The following DNAH7 variants were observed in gnomAD, a reference collection of about 807,000 sequenced individuals.
DNAH7 encodes the protein dynein axonemal heavy chain 7.
In DNAH7, 397 loss-of-function variants were observed where a neutral mutation model predicts 444.6. The observed-to-expected ratio is 0.89, with a 90% CI of 0.82 to 0.97. The LOEUF is 0.97. Among genes scored for constraint, DNAH7 ranks in the 50% least tolerant of loss-of-function variants. The pLI is 0.00. For missense variants in DNAH7, 4,902 were observed against 4,800.8 expected (o/e 1.02, Z -0.62); for synonymous variants, 1,636 against 1,624.4 (o/e 1.01, Z -0.17).
At chr2:195,973,448 G>GT (rs888791388) in intron 15 of DNAH7, among the ~76,000 whole-genome samples, 5 of 151,688 alleles carry the variant, frequency 3.3e-5, no homozygotes, top group African/African-American at 4.8e-5. Flanking sequence ...GACCTATACA[G>GT]TTTTTTTTGT....
At chr2:195,995,741 T>C (rs1693656767) in intron 12 of DNAH7, 1 of 159,338 alleles carries the variant, frequency 6.3e-6, no homozygotes, top group South Asian at 1.8e-4. Context: ...CCAGGAAGCC[T>C]GTGTGCAAGA....
In DNAH7 at chr2:195,864,733, T is replaced by G. The variant is rs376690485; in HGVS notation, c.6922A>C (p.Lys2308Gln). 6.2e-7 allele frequency: 1 copy of G among 1,614,150 alleles called. No individual in the cohort carries two copies. The highest frequency in any genetic ancestry group is 1.3e-5 in the African/African-American group (1 of 74,948). Residue 2308 changes from lysine (K) to glutamine (Q), a missense_variant, in exon 41 of 65, where the codon AAA becomes CAA. By Grantham distance (53) the Lys-to-Gln change is moderately conservative. Coordinates refer to ENST00000312428, the MANE Select transcript of DNAH7 (RefSeq NM_018897.3). ...AACAAGACAAGGTTCATGGGTTTTT[T>G]GCTTATATTGTTGTATTCTTCTAGG... ...IHLEEYNNIS[K>Q]KPMNLVLFRF... is the part of the protein sequence containing the mutation.
At chr2:195,742,717 T>C (rs772280276) in intron 63 of DNAH7, among the ~76,000 whole-genome samples, 25 of 152,212 alleles carry the variant, frequency 1.6e-4, no homozygotes, top group Non-Finnish European at 3.1e-4. Context: ...CTATGGTTTT[T>C]CTAGTTCCTC....
intron 19 of DNAH7, among the ~76,000 whole-genome samples, chr2:195,944,964 T>C (rs1474313015): frequency 2.0e-5 from 3 of 151,934 alleles, no homozygotes; most frequent in South Asian, 2.1e-4. Context: ...GTACAACAGA[T>C]TGTTCATTCT....
chr2:195,907,336 TTTATAGCATAGG>T (rs1250217619), intron 25 of DNAH7, among the ~76,000 whole-genome samples: 5 of 152,156 alleles, frequency 3.3e-5, no homozygotes, highest in Non-Finnish European at 7.4e-5. Context: ...CCACATGGAT[TTTATAGCATAGG>T]TTATAATAAC....
chr2:195,859,976 G>A (rs1699927732), intron 42 of DNAH7, among the ~76,000 whole-genome samples: 1 of 152,096 alleles, frequency 6.6e-6, no homozygotes, highest in Admixed American at 6.6e-5. Context: ...GAAGGCTTTA[G>A]CTATTATGGG....
intron 1 of DNAH7, among the ~76,000 whole-genome samples, chr2:196,061,501 G>A (rs1343198291): frequency 1.3e-5 from 2 of 152,148 alleles, no homozygotes; most frequent in South Asian, 2.1e-4. Flanking sequence ...CTCAGTAAAT[G>A]GCATCACCAT....
In DNAH7 at chr2:195,998,991, C is replaced by T. The variant is rs1559319330; in HGVS notation, c.1353+1713G>A. 4.7e-6 allele frequency: 3 copies of T among 640,034 alleles called. No individual in the cohort carries two copies. In the African/African-American group the frequency reaches 5.5e-5, roughly 12 times the overall value. The allele number at this position is 640,034 out of a possible 1,614,324, so 39.6% of individuals were successfully genotyped here. A position where few individuals can be genotyped will look rare whatever the true frequency, so the allele number is the denominator to read the frequency against. On this transcript the variant is annotated intron_variant, in intron 12 of 64. Transcript: ENST00000312428. ...AGCTGCCCTGGGGACCCTGCTGATC[C>T]TTGGTGGTCTAAGCTTTGCTTTAAT...
Position 195,872,271 on chromosome 2 carries a change from A to C in DNAH7, c.6612T>G (p.Ile2204Met), listed in dbSNP as rs1700755583. The C allele has an allele frequency of 6.2e-7, 1 of 1,613,260 alleles. No individual in the cohort carries two copies. The highest frequency in any genetic ancestry group is 1.3e-5 in the African/African-American group (1 of 74,914). Residue 2204 changes from isoleucine to methionine, a missense_variant, in exon 40 of 65, where the codon ATT (isoleucine) becomes ATG (methionine). Coordinates refer to ENST00000312428, the MANE Select transcript of DNAH7 (RefSeq NM_018897.3). ...RPETTETTEV[I>M]KRLWVHEVLR... ...TTACCTCATGAACCCAAAGACGTTTAATCACTTCTGTGGTTTCTGTTGTTT... is the reference window on the plus strand; with the variant it reads ...TTACCTCATGAACCCAAAGACGTTTCATCACTTCTGTGGTTTCTGTTGTTT...
chr2:196,026,250 GT>G (rs1695679130), intron 7 of DNAH7, among the ~76,000 whole-genome samples: 2 of 152,196 alleles, frequency 1.3e-5, no homozygotes, highest in African/African-American at 2.4e-5. Flanking sequence ...AGATTTGCCT[GT>G]GAGCTATAGT....
Position 195,906,952 on chromosome 2 carries a change from C to A in DNAH7, c.4162G>T (p.Glu1388Ter), listed in dbSNP as rs777765087. The change falls in exon 26 of 65, where the codon GAA becomes TAA. Residue 1388 changes from glutamate (E) to a stop codon, truncating the protein, a stop_gained. Transcript: ENST00000312428. LOFTEE classifies it high-confidence loss of function. The stretch of plus-strand genomic sequence containing the variant: ...TGTTGAGCAACCACAGAGAGTACTT[C>A]CAAATCAATTCTGTTAAACTCATCA... ...CFDEFNRIDL[E>*]VLSVVAQQIL... 1 of 1,613,226 alleles carries A rather than the reference C, an allele frequency of 6.2e-7. No homozygotes were observed. The highest frequency in any genetic ancestry group is 1.7e-5 in the Admixed American group (1 of 59,888).
At chr2:195,986,393 T>C (rs1018266169) in intron 14 of DNAH7, among the ~76,000 whole-genome samples, 27 of 152,208 alleles carry the variant, frequency 1.8e-4, no homozygotes, top group Non-Finnish European at 3.4e-4. Context: ...ATATTTTTAA[T>C]GATCTGTTTT....
rs1216885648 is a variant in DNAH7 at position 195,787,041 on chromosome 2, T to C, written c.10847A>G (p.Gln3616Arg). The change falls in exon 58 of 65, where the codon CAG becomes CGG. Residue 3616 changes from glutamine (Q) to arginine (R), a missense_variant. By Grantham distance (43) the Gln-to-Arg change is conservative (BLOSUM62 1). Coordinates refer to ENST00000312428, the MANE Select transcript of DNAH7 (RefSeq NM_018897.3). ...FNETDLRISV[Q>R]QLHMFLNQYE... Reference sequence around the variant, plus strand: ...CTGGTTCAGGAACATGTGGAGCTGCTGTACGCTGATTCTCAGATCTGTCTC... The same window carrying C: ...CTGGTTCAGGAACATGTGGAGCTGCCGTACGCTGATTCTCAGATCTGTCTC... 6.2e-7 allele frequency: 1 copy of C among 1,606,574 alleles called. No individual in the cohort carries two copies. The highest frequency in any genetic ancestry group is 1.1e-5 in the South Asian group (1 of 89,768).
At position 195,791,010 on chromosome 2, in the gene DNAH7, C is replaced by A. The variant is rs551488956; in HGVS notation, c.10716+3328G>T. Among the ~76,000 whole-genome samples, 233 of 152,162 alleles carry A rather than the reference C, an allele frequency of 1.5e-3. 4 individuals carry two copies. The highest frequency in any genetic ancestry group is 5.3e-3 in the African/African-American group (222 of 41,510). The stretch of plus-strand genomic sequence containing the variant: ...AATTTAGCAAGCAATAAACAAATAA[C>A]CCCATTAAAATGGGCAGAAGACATG... On this transcript the variant is annotated intron_variant, in intron 57 of 64. Coordinates refer to ENST00000312428, the MANE Select transcript of DNAH7 (RefSeq NM_018897.3).
At chr2:195,933,050 G>A (rs1688807032) in intron 21 of DNAH7, among the ~76,000 whole-genome samples, 1 of 152,074 alleles carries the variant, frequency 6.6e-6, no homozygotes, top group Non-Finnish European at 1.5e-5. Context: ...ATCTGGTCCT[G>A]GACTTTTTTT....
At chr2:196,005,265 C>A (rs1216104091) in intron 10 of DNAH7, among the ~76,000 whole-genome samples, 1 of 150,602 alleles carries the variant, frequency 6.6e-6, no homozygotes, top group Non-Finnish European at 1.5e-5. Flanking sequence ...CAGGGCAAGA[C>A]TCCATCTCCA....
intron 49 of DNAH7, among the ~76,000 whole-genome samples, chr2:195,822,692 CA>C (rs1697528112): frequency 2.0e-5 from 3 of 152,262 alleles, no homozygotes; most frequent in Admixed American, 2.0e-4. Context: ...TTCCTCCCCA[CA>C]GCACTTTATG....
At chr2:196,057,385 T>C (rs559719510) in intron 2 of DNAH7, among the ~76,000 whole-genome samples, 24 of 152,308 alleles carry the variant, frequency 1.6e-4, no homozygotes, top group African/African-American at 5.3e-4. Flanking sequence ...AATACCTTTT[T>C]TCAATTTTAG....
chr2:195,797,488 G>A (rs1420993331), intron 55 of DNAH7, among the ~76,000 whole-genome samples: 2 of 152,162 alleles, frequency 1.3e-5, no homozygotes, highest in African/African-American at 2.4e-5. Context: ...GCATGAGCAG[G>A]ACCCACATAG....
Sources: allele counts gnomAD v4.1 joint callset (sites outside exome capture counted in the v4.1 genomes callset), GRCh38; gene constraint gnomAD v4.1.1; transcripts MANE v1.5; gene names NCBI Gene and HGNC (gene_info 2026-07-23, HGNC 2026-07-21).